Variants in TMEM74 observed in about 807,000 individuals in gnomAD.
The protein encoded by TMEM74 is transmembrane protein 74.
TMEM74 carries 13 observed loss-of-function variants against 18.1 expected under a neutral mutation model. The ratio of observed to expected loss-of-function variants is 0.72; its 90% CI spans 0.47 to 1.14. The LOEUF is 1.14. TMEM74 is among the 50% of genes most tolerant of loss of function. The pLI, the probability that TMEM74 is intolerant of heterozygous loss-of-function variation, is 0.00. For missense variants in TMEM74, 372 were observed against 375.9 expected (o/e 0.99, Z 0.09); for synonymous variants, 159 against 146.6 (o/e 1.08, Z -0.61).
At chr8:108,745,332 A>AAGC (rs1179282069) in intron 1 of TMEM74, among the ~76,000 whole-genome samples, 1 of 152,154 alleles carries the variant, frequency 6.6e-6, no homozygotes, top group Non-Finnish European at 1.5e-5. Context: ...TGGAGGGCAA[A>AAGC]AGCAGCCATA....
chr8:108,727,240 T>A (rs1419403984), intron 1 of TMEM74, among the ~76,000 whole-genome samples: 1 of 152,158 alleles, frequency 6.6e-6, no homozygotes, highest in Non-Finnish European at 1.5e-5. Context: ...AAATAATGAT[T>A]TGAGTTATAA....
At chr8:108,638,720 G>A (rs536072691) in intron 2 of TMEM74, among the ~76,000 whole-genome samples, 1 of 152,052 alleles carries the variant, frequency 6.6e-6, no homozygotes, top group South Asian at 2.1e-4. Flanking sequence ...AGCACTTACT[G>A]TGTGCTAGGC....
chr8:108,711,769 A>T (rs1391198), intron 1 of TMEM74, among the ~76,000 whole-genome samples: 58,635 of 151,880 alleles, frequency 0.39, 11,714 homozygotes, highest in East Asian at 0.6. Context: ...GCCATTCTTG[A>T]GGCTGTCAGG....
rs1040856513 is a variant in TMEM74, at chr8:108,782,959, C to T, written c.*1222G>A. Among the ~76,000 whole-genome samples the T allele has an allele frequency of 2.6e-5, 4 of 152,244 alleles. No homozygotes were observed. Among genetic ancestry groups the T allele is most frequent in the Non-Finnish European group, 5.9e-5 (4 of 68,046 alleles). On this transcript the variant is annotated 3_prime_UTR_variant, in exon 2 of 2. Coordinates refer to ENST00000297459, the MANE Select transcript of TMEM74 (RefSeq NM_153015.3). ...CTTGCAAAGTGAGCACCTTGCTCAT[C>T]ATGCTGCTCTTAGAGAAGAGTTTGT...
intron 1 of TMEM74, among the ~76,000 whole-genome samples, chr8:108,733,842 T>A (rs906999009): frequency 2.0e-5 from 3 of 152,198 alleles, no homozygotes; most frequent in African/African-American, 7.2e-5. Context: ...CTGGAAGTCC[T>A]CACAGGTATA....
At chr8:108,683,463 T>C (rs1399612156) in intron 1 of TMEM74, among the ~76,000 whole-genome samples, 4 of 151,844 alleles carry the variant, frequency 2.6e-5, no homozygotes, top group African/African-American at 9.7e-5. Context: ...AGTGTAAGAA[T>C]GATGTAGCAT....
chr8:108,672,812 T>C (rs1300557065), intron 1 of TMEM74, among the ~76,000 whole-genome samples: 4 of 152,226 alleles, frequency 2.6e-5, no homozygotes, highest in African/African-American at 9.6e-5. Flanking sequence ...ACAATGATGC[T>C]ATATCCTGTG....
At chr8:108,710,479 T>A (rs531215379) in intron 1 of TMEM74, among the ~76,000 whole-genome samples, 1 of 152,220 alleles carries the variant, frequency 6.6e-6, no homozygotes, top group Non-Finnish European at 1.5e-5. Context: ...CCAACTGTTA[T>A]GGCCAGGGTT....
intron 1 of TMEM74, among the ~76,000 whole-genome samples, chr8:108,719,902 T>G (rs1813569321): frequency 1.3e-5 from 2 of 152,298 alleles, no homozygotes; most frequent in South Asian, 2.1e-4. Flanking sequence ...TTCGATTTGT[T>G]GGAAGGTAGT....
At chr8:108,664,754 C>A (rs1322419942) in intron 1 of TMEM74, among the ~76,000 whole-genome samples, 6 of 151,928 alleles carry the variant, frequency 3.9e-5, no homozygotes, top group Non-Finnish European at 8.8e-5. Context: ...CCCATATAAC[C>A]TAGAAGAAAC....
chr8:108,684,456 G>A (rs1033909867), intron 1 of TMEM74, among the ~76,000 whole-genome samples: 1 of 151,250 alleles, frequency 6.6e-6, no homozygotes, highest in South Asian at 2.1e-4. Context: ...CTTTTGAGAT[G>A]TTTGAGTTCT....
chr8:108,735,052 C>T (rs1158253269), intron 1 of TMEM74, among the ~76,000 whole-genome samples: 19 of 152,120 alleles, frequency 1.2e-4, no homozygotes. Flanking sequence ...TCTCTAATTC[C>T]ATCATCATTC....
At chr8:108,729,741 T>C (rs187479968) in intron 1 of TMEM74, among the ~76,000 whole-genome samples, 44 of 152,364 alleles carry the variant, frequency 2.9e-4, no homozygotes, top group African/African-American at 1.0e-3. Flanking sequence ...TTCCATTCTA[T>C]TCAATTCCAG....
At chr8:108,751,029 C>T (rs539811835) in intron 1 of TMEM74, among the ~76,000 whole-genome samples, 6 of 152,192 alleles carry the variant, frequency 3.9e-5, no homozygotes, top group South Asian at 4.1e-4. Context: ...AGATTGCTAC[C>T]GACCCGTATG....
intron 1 of TMEM74, among the ~76,000 whole-genome samples, chr8:108,787,269 G>A (rs1362455635): frequency 2.0e-5 from 3 of 152,210 alleles, no homozygotes; most frequent in African/African-American, 7.2e-5. Flanking sequence ...GCACCTGGCA[G>A]CGGTGCCCCC....
intron 1 of TMEM74, among the ~76,000 whole-genome samples, chr8:108,698,800 T>G (rs1813305866): frequency 6.6e-6 from 1 of 151,870 alleles, no homozygotes; most frequent in Admixed American, 6.6e-5. Flanking sequence ...TATTACCACT[T>G]TTTTTTTCCT....
In TMEM74 at chr8:108,640,095, T is replaced by C. The variant is rs183680929; in HGVS notation, n.264+15198A>G. ...ACTCTCAAAAGTAACTACTATTCTT[T>C]TACTCTTTTATAGTAATCACTTTTT... On this transcript the variant is annotated intron_variant and non_coding_transcript_variant, in intron 2 of 3. Transcript: ENST00000518838. Among the ~76,000 whole-genome samples, 158 of 151,800 alleles carry C rather than the reference T, an allele frequency of 1.0e-3. 1 individual carries two copies. The highest frequency in any genetic ancestry group is 3.6e-3 in the African/African-American group (148 of 41,458).
intron 1 of TMEM74, among the ~76,000 whole-genome samples, chr8:108,727,455 A>T (rs1460693548): frequency 6.6e-6 from 1 of 152,178 alleles, no homozygotes; most frequent in Non-Finnish European, 1.5e-5. Context: ...AATATGATGG[A>T]AGGAGAAGTG....
intron 1 of TMEM74, among the ~76,000 whole-genome samples, chr8:108,700,018 A>G (rs1323442777): frequency 1.4e-5 from 2 of 143,070 alleles, no homozygotes; most frequent in South Asian, 2.1e-4. Context: ...TGTAATTCCT[A>G]TATTTTGTGA....
Sources: gnomAD v4.1 joint callset for allele counts (sites outside exome capture counted in the v4.1 genomes callset) on GRCh38, gnomAD v4.1.1 for gene constraint, MANE v1.5 for transcripts, NCBI Gene and HGNC (gene_info 2026-07-23, HGNC 2026-07-21) for gene names.